The following VRK1 variants were observed in gnomAD, a reference collection of about 807,000 sequenced individuals.
VRK1 encodes serine/threonine-protein kinase VRK1.
Under a neutral mutation model 57.1 loss-of-function variants are expected in VRK1, and 33 were observed. The ratio of observed to expected loss-of-function variants is 0.58; its 90% CI spans 0.44 to 0.77. The LOEUF (loss-of-function observed/expected upper bound fraction) is 0.77, where lower values mean the gene tolerates loss of function less well. Ranked by LOEUF, VRK1 falls within the 30% of genes least tolerant of loss-of-function variation. VRK1 has a pLI of 0.00. For missense variants in VRK1, 413 were observed against 477.3 expected, an observed-to-expected ratio of 0.87 and a Z score of 1.25; for synonymous variants, 137 against 147.8, an observed-to-expected ratio of 0.93 and a Z score of 0.53.
chr14:96,833,025 C>G (rs1370633754), intron 1 of VRK1, among the ~76,000 whole-genome samples: 1 of 152,158 alleles, frequency 6.6e-6, no homozygotes, highest in Non-Finnish European at 1.5e-5. Flanking sequence ...TTTGCCCCTT[C>G]CCCTTGTGCT....
chr14:96,799,118 A>C (rs912572531), intron 1 of VRK1, among the ~76,000 whole-genome samples: 3 of 152,198 alleles, frequency 2.0e-5, no homozygotes, highest in African/African-American at 7.2e-5. Context: ...TTATGAGAGG[A>C]TATTTGTTAA....
rs1395180911 is a variant in VRK1, at chr14:96,847,253, G to A, written c.287-4G>A. ...AAATCACAAAGATCTGTTTTAATTTGTAGTTCAGAAATGGATTCGTACCCG... is the reference window on the plus strand; with the variant it reads ...AAATCACAAAGATCTGTTTTAATTTATAGTTCAGAAATGGATTCGTACCCG... On this transcript the variant is annotated splice_polypyrimidine_tract_variant and splice_region_variant and intron_variant, in intron 4 of 12. Transcript: ENST00000216639. 1.2e-6 allele frequency: 2 copies of A among 1,612,252 alleles called. No homozygotes were observed. Among genetic ancestry groups the A allele is most frequent in the Non-Finnish European group, 1.7e-6 (2 of 1,178,540 alleles).
intron 2 of VRK1, among the ~76,000 whole-genome samples, 166 bp from the exon 3 acceptor site, chr14:96,837,596 T>C (rs1414153804): frequency 6.6e-6 from 1 of 152,142 alleles, no homozygotes; most frequent in East Asian, 1.9e-4. Flanking sequence ...TGTTAAAACA[T>C]GAATAAAAGT....
chr14:96,879,552 T>C (rs1224547685), intron 12 of VRK1, among the ~76,000 whole-genome samples: 2 of 152,198 alleles, frequency 1.3e-5, no homozygotes, highest in Non-Finnish European at 2.9e-5. Flanking sequence ...TAGTATTGAT[T>C]ATTGACCTTG....
At chr14:96,833,767 A>C in intron 2 of VRK1, 136 bp downstream of exon 2, 6 of 1,279,458 alleles carry the variant, frequency 4.7e-6, no homozygotes, top group Non-Finnish European at 6.6e-6. Context: ...ATTAAGCAAA[A>C]ATGCATCTCT....
chr14:96,852,662 T>C (rs1231001773), intron 5 of VRK1, among the ~76,000 whole-genome samples, 169 bp from the exon 6 acceptor site: 2 of 152,242 alleles, frequency 1.3e-5, no homozygotes, highest in Admixed American at 6.5e-5. Flanking sequence ...CACTCTGAAC[T>C]CTTTGAGATT....
At chr14:96,809,664 C>G (rs909654926) in intron 1 of VRK1, among the ~76,000 whole-genome samples, 1 of 151,410 alleles carries the variant, frequency 6.6e-6, no homozygotes, top group Non-Finnish European at 1.5e-5. Context: ...CCTCTGCCTC[C>G]CAGGTTCAAG....
intron 7 of VRK1, 28 bp downstream of exon 7, chr14:96,853,194 T>C: frequency 6.4e-7 from 1 of 1,572,348 alleles, no homozygotes; most frequent in South Asian, 1.1e-5. Context: ...ATTTCTACTA[T>C]TTAAAGCGTG....
intron 10 of VRK1, chr14:96,858,894 A>C (rs1888271565): frequency 6.6e-6 from 1 of 152,130 alleles, no homozygotes; most frequent in Non-Finnish European, 1.5e-5. Context: ...AAATTTTAGA[A>C]TCACCTTGTC....
intron 12 of VRK1, among the ~76,000 whole-genome samples, chr14:96,880,634 G>A (rs1889223744): frequency 6.6e-6 from 1 of 152,196 alleles, no homozygotes; most frequent in Non-Finnish European, 1.5e-5. Flanking sequence ...TCCTTTTCCA[G>A]GAGGCTACTC....
At chr14:96,803,383 C>T (rs878858956) in intron 1 of VRK1, among the ~76,000 whole-genome samples, 2 of 152,022 alleles carry the variant, frequency 1.3e-5, no homozygotes, top group Admixed American at 6.5e-5. Context: ...TTTGGCCAGG[C>T]TGGTCTCGAA....
At chr14:96,810,628 G>A (rs923383508) in intron 1 of VRK1, among the ~76,000 whole-genome samples, 1 of 152,124 alleles carries the variant, frequency 6.6e-6, no homozygotes, top group Non-Finnish European at 1.5e-5. Context: ...CCTTTAATGA[G>A]CCTTCTGCAC....
At chr14:96,851,051 C>T (rs956300905) in intron 5 of VRK1, among the ~76,000 whole-genome samples, 3 of 152,040 alleles carry the variant, frequency 2.0e-5, no homozygotes, top group Admixed American at 2.0e-4. Flanking sequence ...ACAAAGGAAA[C>T]CAGGAAGTCA....
chr14:96,862,235 T>C (rs1311608019), intron 11 of VRK1, among the ~76,000 whole-genome samples: 2 of 152,214 alleles, frequency 1.3e-5, no homozygotes, highest in Non-Finnish European at 2.9e-5. Context: ...GACCTTATAA[T>C]TCTGTGGTGT....
chr14:96,801,131 T>G (rs190960682), intron 1 of VRK1, among the ~76,000 whole-genome samples: 191 of 152,340 alleles, frequency 1.3e-3, no homozygotes, highest in Middle Eastern at 0.01. Flanking sequence ...GCTGTTTGTA[T>G]GTCGGCAGAT....
chr14:96,830,451 C>G (rs78786664), intron 1 of VRK1, among the ~76,000 whole-genome samples: 7,126 of 151,516 alleles, frequency 0.047, 187 homozygotes, highest in Non-Finnish European at 0.063. Context: ...TATGTTCCTT[C>G]TCATGTAGTT....
intron 12 of VRK1, chr14:96,877,459 T>C: frequency 7.8e-7 from 1 of 1,281,004 alleles, no homozygotes; most frequent in Non-Finnish European, 1.0e-6. Flanking sequence ...TTCGCTACTG[T>C]CTTTTTTCCT....
At chr14:96,866,485 G>T (rs1355998373) in intron 11 of VRK1, among the ~76,000 whole-genome samples, 2 of 152,140 alleles carry the variant, frequency 1.3e-5, no homozygotes, top group Non-Finnish European at 2.9e-5. Context: ...TCTTATTTAT[G>T]TTCTCTTTTC....
intron 12 of VRK1, chr14:96,877,578 G>A (rs958647985): frequency 1.9e-5 from 25 of 1,289,500 alleles, no homozygotes; most frequent in Non-Finnish European, 2.5e-5. Flanking sequence ...ATGACAGTGA[G>A]TGGGAACAAA....
Sources: gnomAD v4.1 joint callset for allele counts (sites outside exome capture counted in the v4.1 genomes callset) on GRCh38, gnomAD v4.1.1 for gene constraint, MANE v1.5 for transcripts, NCBI Gene and HGNC (gene_info 2026-07-23, HGNC 2026-07-21) for gene names.